The following LRRN2 variants were observed in gnomAD, a reference collection of about 807,000 sequenced individuals.
LRRN2 encodes the protein leucine-rich repeat neuronal protein 2.
A neutral mutation model predicts 35.7 loss-of-function variants in LRRN2; 10 were observed. That is an observed-to-expected ratio of 0.28 (90% CI 0.17 to 0.47). The LOEUF is 0.47. Among genes scored for constraint, LRRN2 ranks in the 20% least tolerant of loss-of-function variants. The pLI, the probability that LRRN2 is intolerant of heterozygous loss-of-function variation, is 0.99. For synonymous variants in LRRN2, 391 were observed against 409.6 expected (o/e 0.95, Z 0.55); for missense variants, 731 against 940.3 (o/e 0.78, Z 2.91).
chr1:204,626,494 C>G (rs1423407016), intron 1 of LRRN2, among the ~76,000 whole-genome samples: 1 of 152,108 alleles, frequency 6.6e-6, no homozygotes, highest in African/African-American at 2.4e-5. Context: ...CTATTCAACT[C>G]CTCTTCAGCC....
At chr1:204,683,097 CGACATAAGGGTGTGGG>C (rs1351896184) in intron 1 of LRRN2, 27 of 152,120 alleles carry the variant, frequency 1.8e-4, no homozygotes, top group African/African-American at 6.5e-4. Context: ...TTCAAATAAA[CGACATAAGGGTGTGGG>C]GAGTAGAAGG....
chr1:204,618,878 C>T lies in LRRN2; in HGVS notation c.1115G>A (p.Arg372His), dbSNP rs776128931. The part of the protein sequence containing the change: ...QEVGLHGNPI[R>H]CDCVIRWANA... ...GGCCCAGCGGATGACACAGTCACAGCGGATGGGGTTGCCGTGGAGACCTAC... is the reference window on the plus strand; with the variant it reads ...GGCCCAGCGGATGACACAGTCACAGTGGATGGGGTTGCCGTGGAGACCTAC... Residue 372 changes from arginine (R) to histidine (H), a missense_variant, in exon 2 of 2, where the codon CGC (arginine) becomes CAC (histidine). By Grantham distance (29) the Arg-to-His change is conservative. This residue lies in a region of LRRN2 where 256 missense variants were observed against 392.4 expected (regional missense o/e 0.65). Transcript: ENST00000367177. 16 of 1,613,980 alleles carry T rather than the reference C, an allele frequency of 9.9e-6. No homozygotes were observed. The highest frequency in any genetic ancestry group is 1.3e-5 in the African/African-American group (1 of 74,912).
chr1:204,678,269 C>A (rs1259297907), intron 1 of LRRN2, among the ~76,000 whole-genome samples: 1 of 152,166 alleles, frequency 6.6e-6, no homozygotes, highest in Admixed American at 6.5e-5. Context: ...AGACTGTGTC[C>A]TGTGCTTTTT....
chr1:204,676,042 T>C (rs1668816381), intron 1 of LRRN2, among the ~76,000 whole-genome samples: 1 of 152,224 alleles, frequency 6.6e-6, no homozygotes, highest in Admixed American at 6.5e-5. Flanking sequence ...AATGGCCCTG[T>C]CTCAGCTCCT....
intron 1 of LRRN2, among the ~76,000 whole-genome samples, chr1:204,673,887 A>G (rs893388670): frequency 1.3e-5 from 2 of 152,104 alleles, no homozygotes. Context: ...AGAAGCAGCA[A>G]GGATCTGTCC....
At chr1:204,649,085 A>G (rs1668169249) in intron 1 of LRRN2, among the ~76,000 whole-genome samples, 1 of 152,240 alleles carries the variant, frequency 6.6e-6, no homozygotes, top group African/African-American at 2.4e-5. Flanking sequence ...GCAAATCAGC[A>G]TCAAAGCCAG....
chr1:204,638,870 T>C (rs1398302497), intron 1 of LRRN2, among the ~76,000 whole-genome samples: 1 of 152,234 alleles, frequency 6.6e-6, no homozygotes, highest in Non-Finnish European at 1.5e-5. Flanking sequence ...GCTGTTCATC[T>C]GCCTGGCTAG....
chr1:204,649,149 G>A (rs531239314), intron 1 of LRRN2, among the ~76,000 whole-genome samples: 1 of 152,340 alleles, frequency 6.6e-6, no homozygotes, highest in African/African-American at 2.4e-5. Context: ...CAGTGGCGGC[G>A]ACTCAAAGAG....
At chr1:204,631,259 T>TCTA (rs202184561) in intron 1 of LRRN2, among the ~76,000 whole-genome samples, 612 of 28,132 alleles carry the variant, frequency 0.022, 105 homozygotes, top group East Asian at 0.029. Flanking sequence ...GAGTGTTCTA[T>TCTA]ATATATATAT....
intron 1 of LRRN2, among the ~76,000 whole-genome samples, chr1:204,680,179 G>A (rs1398199446): frequency 1.3e-5 from 2 of 152,226 alleles, no homozygotes; most frequent in African/African-American, 4.8e-5. Flanking sequence ...GATAATGAGA[G>A]TTAACTACCT....
intron 1 of LRRN2, among the ~76,000 whole-genome samples, chr1:204,665,976 G>A (rs1343220047): frequency 1.3e-5 from 2 of 152,220 alleles, no homozygotes; most frequent in East Asian, 3.9e-4. Context: ...CGTTGGCACA[G>A]CCTGACCCAG....
At chr1:204,680,958 C>A (rs1309226570) in intron 1 of LRRN2, among the ~76,000 whole-genome samples, 1 of 143,528 alleles carries the variant, frequency 7.0e-6, no homozygotes, top group Admixed American at 7.0e-5. Context: ...CAGAGAGTCA[C>A]TTTTTTTTTT....
chr1:204,644,252 A>G (rs1226541053), intron 1 of LRRN2, among the ~76,000 whole-genome samples: 2 of 152,128 alleles, frequency 1.3e-5, no homozygotes, highest in East Asian at 3.9e-4. Context: ...CTTCTCCTCC[A>G]TGAAGCTCTC....
rs557084389 is a variant in LRRN2, at chr1:204,638,318, T to A, written c.-226-18100A>T. Reference sequence around the variant, plus strand: ...CATTTCATTGAATCCCCCCGCACCGTTGGAGTCAGAACTACTGGCACCCTT... The same window carrying A: ...CATTTCATTGAATCCCCCCGCACCGATGGAGTCAGAACTACTGGCACCCTT... On this transcript the variant is annotated intron_variant, in intron 1 of 1. Transcript: ENST00000367177. 2.6e-5 allele frequency among the ~76,000 whole-genome samples: 4 copies of A among 151,874 alleles called. No homozygotes were observed. The South Asian group carries it at 8.3e-4, about 32-fold the overall frequency.
chr1:204,651,560 C>T (rs1344733442), intron 1 of LRRN2, among the ~76,000 whole-genome samples: 1 of 152,146 alleles, frequency 6.6e-6, no homozygotes, highest in African/African-American at 2.4e-5. Flanking sequence ...GGGTGACCAA[C>T]TTGTCCCCAT....
Position 204,619,647 on chromosome 1 carries a change from G to C in LRRN2, c.346C>G (p.Leu116Val). 6.2e-7 allele frequency: 1 copy of C among 1,614,228 alleles called. No homozygotes were observed. Among genetic ancestry groups the C allele is most frequent in the South Asian group, 1.1e-5 (1 of 91,086 alleles). Residue 116 changes from leucine to valine, a missense_variant, in exon 2 of 2, where the codon CTG becomes GTG. Transcript: ENST00000367177. ...SDARDCDFHA[L>V]PQLLSLHLEE... ...AGGTGCAGGCTCAGCAGCTGGGGCA[G>C]GGCATGGAAATCACAGTCTCGGGCA...
chr1:204,644,052 A>C (rs967348560), intron 1 of LRRN2, among the ~76,000 whole-genome samples: 6 of 152,190 alleles, frequency 3.9e-5, no homozygotes, highest in African/African-American at 1.4e-4. Context: ...GGCACTCAAT[A>C]AATGGGTTCC....
At position 204,640,124 on chromosome 1, in the gene LRRN2, C is replaced by T. The variant is rs368862707; in HGVS notation, c.-226-19906G>A. ...ATAAACAACAGAAATTTATTGTTCA[C>T]GGTTCTGGAGGCTGGGAAGTCCAAG... On this transcript the variant is annotated intron_variant, in intron 1 of 1. Transcript: ENST00000367177. Among the ~76,000 whole-genome samples, 14 of 152,260 alleles carry T rather than the reference C, an allele frequency of 9.2e-5. No individual in the cohort carries two copies. The South Asian group carries it at 1.0e-3, about 11-fold the overall frequency.
intron 1 of LRRN2, among the ~76,000 whole-genome samples, chr1:204,655,428 C>A (rs1253668720): frequency 1.3e-5 from 2 of 152,104 alleles, no homozygotes; most frequent in African/African-American, 4.8e-5. Context: ...GCTGGGACTA[C>A]TGGCATGTGC....
Sources: gnomAD v4.1 joint callset for allele counts (sites outside exome capture counted in the v4.1 genomes callset) on GRCh38, gnomAD v4.1.1 for gene constraint, gnomAD v4.1.1 regional missense constraint, MANE v1.5 for transcripts, NCBI Gene and HGNC (gene_info 2026-07-23, HGNC 2026-07-21) for gene names.